Variants in AIFM2 observed in about 807,000 individuals in gnomAD.
AIFM2 encodes AIF family member 2, ferroptosis suppressor.
A neutral mutation model predicts 35.7 loss-of-function variants in AIFM2; 38 were observed. That is an observed-to-expected ratio of 1.06 (90% CI 0.82 to 1.39). The LOEUF is 1.39. Among genes scored for constraint, AIFM2 ranks in the 40% most tolerant of loss-of-function variants. AIFM2 has a pLI of 0.00. For missense variants in AIFM2, 476 were observed against 491.2 expected (o/e 0.97, Z 0.29); for synonymous variants, 185 against 203.5 (o/e 0.91, Z 0.77).
rs1476850135 is a variant in AIFM2, at chr10:70,120,589, G to A, written c.425C>T (p.Ser142Leu). 6.2e-7 allele frequency: 1 copy of A among 1,614,118 alleles called. No homozygotes were observed. Among genetic ancestry groups the A allele is most frequent in the South Asian group, 1.1e-5 (1 of 91,084 alleles). Residue 142 changes from serine (S) to leucine (L), a missense_variant, in exon 5 of 9, where the codon TCA becomes TTA. Transcript: ENST00000307864. Reference protein sequence around the residue: ...YEDMVRQVQRSRFIVVVGGGS... With the variant: ...YEDMVRQVQRLRFIVVVGGGS... Reference sequence around the variant, plus strand: ...TCCTCCCACCACCACGATGAACCGTGAGCGCTGGACCTGGAGAAGAGGACA... The same window carrying A: ...TCCTCCCACCACCACGATGAACCGTAAGCGCTGGACCTGGAGAAGAGGACA...
In AIFM2 at chr10:70,123,442, T is replaced by A. The variant is rs151032198; in HGVS notation, c.257A>T (p.Asp86Val). 1.7e-4 allele frequency: 280 copies of A among 1,614,120 alleles called. No individual in the cohort carries two copies. In the South Asian group the frequency reaches 2.0e-3, roughly 11 times the overall value. The change falls in exon 3 of 9, where the codon GAC (aspartate) becomes GTC (valine). Residue 86 changes from aspartate (D) to valine (V), a missense_variant. Asp to Val is a radical substitution (Grantham distance 152, BLOSUM62 -3). Coordinates refer to ENST00000307864, the MANE Select transcript of AIFM2 (RefSeq NM_032797.6). ...NFRQGLVVGIDLKNQMVLLQG... is the reference protein window; with the variant it reads ...NFRQGLVVGIVLKNQMVLLQG... ...CAGCAGCACCATCTGGTTCTTCAGGTCTATCCCCACTACTAGCCCCTGCCG... is the reference window on the plus strand; with the variant it reads ...CAGCAGCACCATCTGGTTCTTCAGGACTATCCCCACTACTAGCCCCTGCCG...
intron 1 of AIFM2, among the ~76,000 whole-genome samples, chr10:70,127,438 G>C (rs1484023171): frequency 6.6e-6 from 1 of 152,232 alleles, no homozygotes; most frequent in Non-Finnish European, 1.5e-5. Context: ...ACTTGGGCCA[G>C]AGGCCCAGTG....
intron 5 of AIFM2, among the ~76,000 whole-genome samples, chr10:70,120,100 C>T (rs1256407173): frequency 6.6e-6 from 1 of 152,236 alleles, no homozygotes; most frequent in African/African-American, 2.4e-5. Context: ...GTGTCTTTGT[C>T]CAAGCTGGTT....
At chr10:70,114,897 A>C (rs2136650989) in intron 8 of AIFM2, 23 bp downstream of exon 8, 1 of 1,612,232 alleles carries the variant, frequency 6.2e-7, no homozygotes, top group South Asian at 1.1e-5. Flanking sequence ...TTAAAACTGC[A>C]AAGCACATGG....
chr10:70,125,420 G>C (rs1253039778), intron 1 of AIFM2, among the ~76,000 whole-genome samples: 1 of 112,768 alleles, frequency 8.9e-6, no homozygotes, highest in Non-Finnish European at 1.7e-5. Context: ...GGGTAACATA[G>C]AGAGACTCTG....
intron 1 of AIFM2, among the ~76,000 whole-genome samples, chr10:70,128,663 T>C (rs1030315690): frequency 2.6e-5 from 4 of 152,210 alleles, no homozygotes; most frequent in Non-Finnish European, 4.4e-5. Context: ...GTGCCCAGCC[T>C]GTGAATGACG....
Position 70,132,759 on chromosome 10 carries a change from G to A in AIFM2, c.-39C>T, listed in dbSNP as rs2072641147. ...CTGTCGGCCGCGCCCGCGCGCTCTC[G>A]CTCCGGCTCCCGCTCCCGCTCCCGC... On this transcript the variant is annotated 5_prime_UTR_variant, in exon 1 of 9. Transcript: ENST00000307864. 6.6e-6 allele frequency: 1 copy of A among 150,544 alleles called. No homozygotes were observed. Among genetic ancestry groups the A allele is most frequent in the South Asian group, 1.9e-4 (1 of 5,374 alleles). 9.3% of individuals were successfully genotyped at this position (150,544 alleles called of 1,614,324 possible).
intron 3 of AIFM2, 98 bp downstream of exon 3, chr10:70,123,307 C>T: frequency 9.4e-7 from 1 of 1,064,162 alleles, no homozygotes; most frequent in South Asian, 1.5e-5. Context: ...GTGTGAGCCA[C>T]CGCCCCCAGC....
rs1224066611 is a variant in AIFM2, at chr10:70,114,310, C to G, written c.990G>C (p.Leu330=). 2.5e-6 allele frequency: 4 copies of G among 1,613,984 alleles called. No individual in the cohort carries two copies. The highest frequency in any genetic ancestry group is 3.4e-6 in the Non-Finnish European group (4 of 1,180,004). The change falls in exon 9 of 9, where the codon CTG becomes CTC. Residue 330 remains leucine, a synonymous_variant. Transcript: ENST00000307864. ...AYKPGALTFL[L]SMGRNDGVGQ... Reference sequence around the variant, plus strand: ...CCACACCGTCATTTCTCCCCATGGACAGGAGGAACGTCAGTGCACCTGCAA... The same window carrying G: ...CCACACCGTCATTTCTCCCCATGGAGAGGAGGAACGTCAGTGCACCTGCAA...
intron 1 of AIFM2, among the ~76,000 whole-genome samples, chr10:70,124,373 CA>C (rs2072543810): frequency 6.6e-6 from 1 of 152,198 alleles, no homozygotes; most frequent in South Asian, 2.1e-4. Context: ...ATAGTTTATG[CA>C]ACTATAATCA....
chr10:70,132,648 C>G (rs2072639078), intron 1 of AIFM2, 86 bp downstream of exon 1: 1 of 152,264 alleles, frequency 6.6e-6, no homozygotes, highest in African/African-American at 2.4e-5. Flanking sequence ...TGAGCCAGGC[C>G]TCTAATCCGC....
chr10:70,120,989 C>T (rs1444598616), intron 4 of AIFM2, 103 bp downstream of exon 4: 1 of 1,503,910 alleles, frequency 6.6e-7, no homozygotes, highest in Non-Finnish European at 8.8e-7. Flanking sequence ...CTACAGCCAG[C>T]AGCTCTGAGT....
chr10:70,116,485 A>C, intron 7 of AIFM2, 137 bp downstream of exon 7: 1 of 1,197,220 alleles, frequency 8.4e-7, no homozygotes, highest in Non-Finnish European at 1.2e-6. Context: ...ACCCTCACTG[A>C]ATTTAAAGTC....
Position 70,131,951 on chromosome 10 carries a change from T to A in AIFM2, c.-14+783A>T, listed in dbSNP as rs1353610389. On this transcript the variant is annotated intron_variant, in intron 1 of 8. Transcript: ENST00000307864. The surrounding 1 kb of genome is among the most constrained non-coding windows in gnomAD (Gnocchi z 4.1). ...CCTGCAAGTCCCATCCCAAACTATA[T>A]CTGACTCTCTGCCCTATGCCTGTCC... Among the ~76,000 whole-genome samples the A allele has an allele frequency of 6.6e-6, 1 of 152,100 alleles. No individual in the cohort carries two copies. The highest frequency in any genetic ancestry group is 1.5e-5 in the Non-Finnish European group (1 of 68,014).
chr10:70,117,950 A>C lies in AIFM2; in HGVS notation c.508-30T>G. The C allele has an allele frequency of 6.5e-7, 1 of 1,532,808 alleles. No homozygotes were observed. Among genetic ancestry groups the C allele is most frequent in the Non-Finnish European group, 9.0e-7 (1 of 1,111,442 alleles). The allele number at this position is 1,532,808 out of a possible 1,614,324, so 95.0% of individuals were successfully genotyped here. ...GGACAAAACGACCACAGGGCCTGAG[A>C]AGGAGCCCCCAAGTCTTCAAACACA... On this transcript the variant is annotated intron_variant, in intron 5 of 8. Coordinates refer to ENST00000307864, the MANE Select transcript of AIFM2 (RefSeq NM_032797.6). The surrounding 1 kb of genome is among the most constrained non-coding windows in gnomAD (Gnocchi z 4.7).
intron 1 of AIFM2, among the ~76,000 whole-genome samples, chr10:70,124,320 G>A (rs1042896012): frequency 1.3e-5 from 2 of 152,158 alleles, no homozygotes. Context: ...TTCTCCAGAG[G>A]CATCCACTGT....
In AIFM2 at chr10:70,112,295, G is replaced by GCAA. The variant is rs1199978863; in HGVS notation, c.*1880_*1882dup. The GCAA allele has an allele frequency of 6.6e-6, 1 of 152,024 alleles. No individual in the cohort carries two copies. The highest frequency in any genetic ancestry group is 6.6e-5 in the Admixed American group (1 of 15,264). The allele number at this position is 152,024 out of a possible 1,614,324, so 9.4% of individuals were successfully genotyped here. A position where few individuals can be genotyped will look rare whatever the true frequency, so the allele number is the denominator to read the frequency against. ...CTTTCTTACAACATATTCTTTTATT[G>GCAA]CAACATTTTCCTCAGTTTGGAAAAC... is the stretch of plus-strand genomic sequence containing the variant. On this transcript the variant is annotated 3_prime_UTR_variant, in exon 9 of 9. Coordinates refer to ENST00000307864, the MANE Select transcript of AIFM2 (RefSeq NM_032797.6).
chr10:70,123,244 C>T (rs982043294), intron 3 of AIFM2, among the ~76,000 whole-genome samples, 161 bp downstream of exon 3: 2 of 152,198 alleles, frequency 1.3e-5, no homozygotes, highest in Non-Finnish European at 2.9e-5. Flanking sequence ...GTCTCAAACT[C>T]CTGACCTCAG....
At chr10:70,132,413 C>T (rs975553931) in intron 1 of AIFM2, among the ~76,000 whole-genome samples, 12 of 152,264 alleles carry the variant, frequency 7.9e-5, no homozygotes, top group Non-Finnish European at 1.6e-4. Flanking sequence ...CGTGTTCCCT[C>T]TTCCCCGGTT....
Sources: gnomAD v4.1 joint callset for allele counts (sites outside exome capture counted in the v4.1 genomes callset) on GRCh38, gnomAD v4.1.1 for gene constraint, Gnocchi (gnomAD v3.1) non-coding constraint, MANE v1.5 for transcripts, NCBI Gene and HGNC (gene_info 2026-07-23, HGNC 2026-07-21) for gene names.